The following EZH2 variants were observed in gnomAD, a reference collection of about 807,000 sequenced individuals.
EZH2 encodes histone-lysine N-methyltransferase EZH2.
Under a neutral mutation model 98.4 loss-of-function variants are expected in EZH2, and 18 were observed. That is an observed-to-expected ratio of 0.18 (90% CI 0.13 to 0.27). The LOEUF is 0.27. Ranked by LOEUF, EZH2 falls within the 10% of genes least tolerant of loss-of-function variation. EZH2 has a pLI of 1.00. For synonymous variants in EZH2, 338 were observed against 312.3 expected (o/e 1.08, Z -0.87); for missense variants, 470 against 935.1 (o/e 0.50, Z 6.49).
chr7:148,871,577 C>CTTTTTTTTTTT (rs376098406), intron 1 of EZH2, among the ~76,000 whole-genome samples: 1 of 135,254 alleles, frequency 7.4e-6, no homozygotes, highest in African/African-American at 2.8e-5. Context: ...AGTGTATTTT[C>CTTTTTTTTTTT]TTTTTTTTTT....
At chr7:148,820,679 C>T (rs564628048) in intron 8 of EZH2, among the ~76,000 whole-genome samples, 3 of 152,144 alleles carry the variant, frequency 2.0e-5, no homozygotes, top group South Asian at 4.2e-4. Flanking sequence ...TGCTGGATTA[C>T]GTTTGTTAAG....
intron 1 of EZH2, among the ~76,000 whole-genome samples, chr7:148,858,118 C>A (rs1817112437): frequency 6.6e-6 from 1 of 151,956 alleles, no homozygotes; most frequent in African/African-American, 2.4e-5. Flanking sequence ...AGGTGAAACC[C>A]CATCTCTACT....
chr7:148,871,766 GGTCTCACTATGTT>G (rs1226594816), intron 1 of EZH2, among the ~76,000 whole-genome samples: 4 of 151,922 alleles, frequency 2.6e-5, no homozygotes, highest in Non-Finnish European at 2.9e-5. Context: ...GTAGAGATGA[GGTCTCACTATGTT>G]GTCCAGGCTG....
In EZH2 at chr7:148,868,898, T is replaced by A. The variant is rs141299186; in HGVS notation, c.-8+15266A>T. 8.5e-3 allele frequency among the ~76,000 whole-genome samples: 1,287 copies of A among 152,276 alleles called. 28 individuals are homozygous for A. Among genetic ancestry groups the A allele is most frequent in the African/African-American group, 0.03 (1,232 of 41,544 alleles). ...ATAGTACAGCTGGCCAGTTACATGC[T>A]ATTTGTAAATAACAAGTCATACTAG... On this transcript the variant is annotated intron_variant, in intron 1 of 19. Coordinates refer to ENST00000320356, the MANE Select transcript of EZH2 (RefSeq NM_004456.5).
At chr7:148,880,850 G>A (rs376465291) in intron 1 of EZH2, among the ~76,000 whole-genome samples, 1 of 152,120 alleles carries the variant, frequency 6.6e-6, no homozygotes, top group Non-Finnish European at 1.5e-5. Flanking sequence ...AAATAAGACA[G>A]AGCCTCTACC....
chr7:148,876,650 C>T (rs1020859476), intron 1 of EZH2, among the ~76,000 whole-genome samples: 2 of 152,236 alleles, frequency 1.3e-5, no homozygotes, highest in East Asian at 1.9e-4. Flanking sequence ...TGGTTTGCTG[C>T]GTAATGCACA....
intron 8 of EZH2, among the ~76,000 whole-genome samples, chr7:148,823,510 T>C (rs1806767535): frequency 6.6e-6 from 1 of 152,152 alleles, no homozygotes; most frequent in East Asian, 1.9e-4. Context: ...AGGGTATCTT[T>C]ATACTTGTCA....
intron 1 of EZH2, among the ~76,000 whole-genome samples, chr7:148,861,105 A>G (rs994364628): frequency 4.6e-5 from 7 of 152,124 alleles, no homozygotes; most frequent in African/African-American, 1.7e-4. Context: ...ATGGCACAGT[A>G]TTTGCATATA....
intron 3 of EZH2, among the ~76,000 whole-genome samples, chr7:148,840,764 A>C (rs1030849215): frequency 2.6e-5 from 4 of 152,150 alleles, no homozygotes; most frequent in African/African-American, 4.8e-5. Flanking sequence ...CTAAGGAGTA[A>C]ATTTAAGTCA....
intron 1 of EZH2, among the ~76,000 whole-genome samples, chr7:148,872,237 G>C (rs1477635544): frequency 6.6e-6 from 1 of 152,090 alleles, no homozygotes; most frequent in Admixed American, 6.6e-5. Context: ...TAATCACAAA[G>C]GGGCAAATAC....
At chr7:148,855,243 G>A (rs1406985175) in intron 1 of EZH2, among the ~76,000 whole-genome samples, 1 of 152,250 alleles carries the variant, frequency 6.6e-6, no homozygotes, top group African/African-American at 2.4e-5. Flanking sequence ...AATAATGCCT[G>A]TTACACACAT....
chr7:148,870,547 A>G (rs1819204383), intron 1 of EZH2, among the ~76,000 whole-genome samples: 1 of 152,160 alleles, frequency 6.6e-6, no homozygotes, highest in South Asian at 2.1e-4. Context: ...ACAAAAAAAT[A>G]CAAAAATTAG....
chr7:148,871,403 T>TAAAAAAAAAAAAAAAAAAAAAAA (rs71529646), intron 1 of EZH2, among the ~76,000 whole-genome samples: 1 of 88,752 alleles, frequency 1.1e-5, no homozygotes, highest in East Asian at 3.3e-4. Flanking sequence ...GACGAATAAT[T>TAAAAAAAAAAAAAAAAAAAAAAA]AAAAAAAAAA....
At chr7:148,855,553 C>T (rs910947991) in intron 1 of EZH2, among the ~76,000 whole-genome samples, 7 of 152,042 alleles carry the variant, frequency 4.6e-5, no homozygotes, top group South Asian at 4.1e-4. Flanking sequence ...AATTTATTTA[C>T]GGTGCATAGA....
rs941651789 is a variant in EZH2, at chr7:148,843,740, C to T, written c.246+2730G>A. On this transcript the variant is annotated intron_variant, in intron 3 of 19. Coordinates refer to ENST00000320356, the MANE Select transcript of EZH2 (RefSeq NM_004456.5). ...CCTCCCCAGTAGCTGGGACTACAGG[C>T]GCCCGCTACCACGCCCGGCTAATTT... Among the ~76,000 whole-genome samples, 6 of 151,594 alleles carry T rather than the reference C, an allele frequency of 4.0e-5. No individual in the cohort carries two copies. In the South Asian group the frequency reaches 6.3e-4, roughly 16 times the overall value.
intron 8 of EZH2, among the ~76,000 whole-genome samples, chr7:148,823,618 G>C (rs1806802138): frequency 6.6e-6 from 1 of 151,570 alleles, no homozygotes; most frequent in Admixed American, 6.6e-5. Context: ...GGAACAGAAA[G>C]TCATTGGGAG....
chr7:148,838,273 T>C (rs951935273), intron 3 of EZH2, among the ~76,000 whole-genome samples: 2 of 152,132 alleles, frequency 1.3e-5, no homozygotes, highest in African/African-American at 4.8e-5. Context: ...CTCACTATGT[T>C]GCTCAGGCTG....
chr7:148,847,832 C>A (rs1408585360), intron 1 of EZH2, among the ~76,000 whole-genome samples: 2 of 152,226 alleles, frequency 1.3e-5, no homozygotes, highest in Non-Finnish European at 2.9e-5. Context: ...CTTAATCATG[C>A]ACCTCTCCTT....
chr7:148,821,731 TAGG>T (rs1250669774), intron 8 of EZH2, among the ~76,000 whole-genome samples: 1 of 152,166 alleles, frequency 6.6e-6, no homozygotes, highest in Non-Finnish European at 1.5e-5. Flanking sequence ...GAAGCTGAGA[TAGG>T]AGAAGAGCTT....
Sources: gnomAD v4.1 joint callset for allele counts (sites outside exome capture counted in the v4.1 genomes callset) on GRCh38, gnomAD v4.1.1 for gene constraint, MANE v1.5 for transcripts, NCBI Gene and HGNC (gene_info 2026-07-23, HGNC 2026-07-21) for gene names.